ABAT: variants seen among roughly 807,000 people sequenced by gnomAD.
The protein encoded by ABAT is 4-aminobutyrate aminotransferase.
In ABAT, 45 loss-of-function variants were observed where a neutral mutation model predicts 64.6. That is an observed-to-expected ratio of 0.70 (90% CI 0.55 to 0.89). ABAT has a LOEUF of 0.89. Among genes scored for constraint, ABAT ranks in the 40% least tolerant of loss-of-function variants. ABAT has a pLI of 0.00. For missense variants in ABAT, 633 were observed against 658.4 expected (o/e 0.96, Z 0.42); for synonymous variants, 297 against 250.5 (o/e 1.19, Z -1.75).
intron 4 of ABAT, among the ~76,000 whole-genome samples, chr16:8,749,089 T>G (rs1189040462): frequency 6.6e-6 from 1 of 150,574 alleles, no homozygotes; most frequent in Non-Finnish European, 1.5e-5. Context: ...CTTTTGTTCC[T>G]CTTTTTTTTT....
At chr16:8,720,335 C>A (rs1228556686) in intron 1 of ABAT, among the ~76,000 whole-genome samples, 1 of 152,238 alleles carries the variant, frequency 6.6e-6, no homozygotes, top group African/African-American at 2.4e-5. Flanking sequence ...ACACTTTAGA[C>A]CCAATTTCTG....
intron 1 of ABAT, among the ~76,000 whole-genome samples, chr16:8,705,116 T>C (rs1336741323): frequency 1.3e-5 from 2 of 152,118 alleles, no homozygotes; most frequent in Non-Finnish European, 2.9e-5. Context: ...CACACTACTA[T>C]AAAGATACTA....
intron 11 of ABAT, among the ~76,000 whole-genome samples, chr16:8,769,557 CAAAA>C (rs35002036): frequency 1.0e-3 from 90 of 86,762 alleles, no homozygotes; most frequent in African/African-American, 2.9e-3. Context: ...AGACTCTGTC[CAAAA>C]AAAAAAAAAA....
chr16:8,728,030 C>A (rs1383021800), intron 1 of ABAT, among the ~76,000 whole-genome samples: 1 of 152,122 alleles, frequency 6.6e-6, no homozygotes, highest in Non-Finnish European at 1.5e-5. Context: ...CTGATCGCCC[C>A]ACTGCACTCC....
At chr16:8,703,428 C>T (rs945149157) in intron 1 of ABAT, among the ~76,000 whole-genome samples, 1 of 151,850 alleles carries the variant, frequency 6.6e-6, no homozygotes, top group Admixed American at 6.6e-5. Flanking sequence ...TGCTCTCCAG[C>T]CTGGGTGACA....
intron 6 of ABAT, chr16:8,759,987 G>C (rs1184262320): frequency 6.6e-6 from 1 of 152,226 alleles, no homozygotes; most frequent in African/African-American, 2.4e-5. Flanking sequence ...CATGGCTTTA[G>C]AGCGTTCCCC....
intron 5 of ABAT, among the ~76,000 whole-genome samples, chr16:8,754,513 A>G (rs546724933): frequency 2.0e-5 from 3 of 152,280 alleles, no homozygotes; most frequent in East Asian, 1.9e-4. Flanking sequence ...AGCAGGAGTT[A>G]GTGTGAACCT....
At chr16:8,694,070 C>T (rs1433377425) in intron 1 of ABAT, among the ~76,000 whole-genome samples, 2 of 152,000 alleles carry the variant, frequency 1.3e-5, no homozygotes, top group African/African-American at 4.8e-5. Context: ...CGCACTGTCA[C>T]CCAGGCTGGA....
intron 12 of ABAT, among the ~76,000 whole-genome samples, chr16:8,773,867 C>G (rs1442096632): frequency 6.6e-6 from 1 of 152,198 alleles, no homozygotes; most frequent in Non-Finnish European, 1.5e-5. Flanking sequence ...CACGTCATTG[C>G]TAATGACATA....
intron 1 of ABAT, among the ~76,000 whole-genome samples, chr16:8,693,370 A>G (rs746103106): frequency 6.6e-6 from 1 of 151,758 alleles, no homozygotes; most frequent in Non-Finnish European, 1.5e-5. Context: ...TCTCCAAAAA[A>G]AATTCCAGTA....
At chr16:8,734,042 GACGT>G (rs1567292897) in intron 1 of ABAT, among the ~76,000 whole-genome samples, 1 of 152,084 alleles carries the variant, frequency 6.6e-6, no homozygotes, top group East Asian at 1.9e-4. Flanking sequence ...TCTGTCAATG[GACGT>G]CTAGGTTGCT....
intron 1 of ABAT, among the ~76,000 whole-genome samples, chr16:8,676,916 C>G (rs528337186): frequency 1.1e-4 from 17 of 152,334 alleles, no homozygotes; most frequent in East Asian, 3.9e-4. Context: ...CTGGCAGATT[C>G]TCTAGGACCA....
intron 2 of ABAT, among the ~76,000 whole-genome samples, chr16:8,737,957 G>A (rs113463212): frequency 0.42 from 3,949 of 9,466 alleles, 547 homozygotes; most frequent in East Asian, 0.48. Context: ...AGAAAGGAAG[G>A]AAGGAAGGAA....
chr16:8,751,917 A>G (rs2059498810), intron 5 of ABAT, among the ~76,000 whole-genome samples: 1 of 152,160 alleles, frequency 6.6e-6, no homozygotes, highest in Non-Finnish European at 1.5e-5. Flanking sequence ...TGCAGCTTGG[A>G]TGGTTAATGT....
intron 1 of ABAT, among the ~76,000 whole-genome samples, chr16:8,706,881 C>A (rs1275644277): frequency 8.5e-5 from 13 of 152,094 alleles, no homozygotes; most frequent in Non-Finnish European, 4.4e-5. Flanking sequence ...CTGAGTGATT[C>A]CTAGGTTTTG....
At chr16:8,777,892 T>C (rs1490571277) in intron 14 of ABAT, among the ~76,000 whole-genome samples, 1 of 152,126 alleles carries the variant, frequency 6.6e-6, no homozygotes, top group African/African-American at 2.4e-5. Context: ...GCAGGAGGAT[T>C]GCCTTCAGCT....
At chr16:8,720,102 C>T (rs952433695) in intron 1 of ABAT, among the ~76,000 whole-genome samples, 5 of 152,278 alleles carry the variant, frequency 3.3e-5, no homozygotes, top group Middle Eastern at 6.8e-3. Context: ...CGTGAGCCAT[C>T]GCGCCCAGCC....
intron 2 of ABAT, among the ~76,000 whole-genome samples, chr16:8,743,442 T>TAC (rs1228238918): frequency 0.01 from 886 of 85,082 alleles, 67 homozygotes; most frequent in East Asian, 0.04. Context: ...TATATATATA[T>TAC]ATACACACAT....
chr16:8,710,694 C>CAGAGAGAGAGAGAGAG (rs558327984), intron 1 of ABAT, among the ~76,000 whole-genome samples: 1 of 121,948 alleles, frequency 8.2e-6, no homozygotes, highest in Admixed American at 9.1e-5. Context: ...GAGAGAGAGA[C>CAGAGAGAGAGAGAGAG]AGAGAGAGAG....
Sources: allele counts gnomAD v4.1 joint callset (sites outside exome capture counted in the v4.1 genomes callset), GRCh38; gene constraint gnomAD v4.1.1; transcripts MANE v1.5; gene names NCBI Gene and HGNC (gene_info 2026-07-23, HGNC 2026-07-21).